ADCY2: variants seen among roughly 807,000 people sequenced by gnomAD.
ADCY2 encodes adenylate cyclase type 2.
ADCY2 carries 31 observed loss-of-function variants against 125.2 expected under a neutral mutation model. The observed-to-expected ratio is 0.25, with a 90% CI of 0.19 to 0.33. The LOEUF (loss-of-function observed/expected upper bound fraction) is 0.33. Ranked by LOEUF, ADCY2 falls within the 10% of genes least tolerant of loss-of-function variation. The pLI is 1.00. For synonymous variants in ADCY2, 512 were observed against 548.4 expected (o/e 0.93, Z 0.93); for missense variants, 904 against 1,418.2 (o/e 0.64, Z 5.82).
chr5:7,667,312 T>C (rs1739791448), intron 4 of ADCY2, among the ~76,000 whole-genome samples: 1 of 152,110 alleles, frequency 6.6e-6, no homozygotes, highest in Non-Finnish European at 1.5e-5. Flanking sequence ...GGCTTCAATA[T>C]GTAGATGTTT....
intron 24 of ADCY2, among the ~76,000 whole-genome samples, chr5:7,824,991 A>C (rs1470249770): frequency 1.3e-5 from 2 of 152,184 alleles, no homozygotes; most frequent in African/African-American, 4.8e-5. Flanking sequence ...GACACACCAC[A>C]ACCAAAATTG....
intron 3 of ADCY2, among the ~76,000 whole-genome samples, chr5:7,611,933 A>G (rs866968378): frequency 6.6e-6 from 1 of 152,146 alleles, no homozygotes; most frequent in Non-Finnish European, 1.5e-5. Context: ...TGTGGCAGAA[A>G]TTTTTTCTTG....
intron 3 of ADCY2, among the ~76,000 whole-genome samples, chr5:7,606,772 A>G (rs547125715): frequency 1.3e-5 from 2 of 152,172 alleles, no homozygotes; most frequent in South Asian, 2.1e-4. Flanking sequence ...AATATTTGCT[A>G]TTTGCTTTCG....
At chr5:7,748,680 C>A (rs1247548126) in intron 15 of ADCY2, among the ~76,000 whole-genome samples, 1 of 152,060 alleles carries the variant, frequency 6.6e-6, no homozygotes, top group Non-Finnish European at 1.5e-5. Flanking sequence ...TGGGTAAGAA[C>A]CTTTGGAATA....
chr5:7,438,402 A>G (rs962937772), intron 2 of ADCY2, among the ~76,000 whole-genome samples: 49 of 152,254 alleles, frequency 3.2e-4, no homozygotes, highest in Non-Finnish European at 1.5e-4. Flanking sequence ...AGTAAGTTTT[A>G]TACTTGTTAG....
At chr5:7,681,566 G>A (rs4702486) in intron 4 of ADCY2, among the ~76,000 whole-genome samples, 123,556 of 152,052 alleles carry the variant, frequency 0.81, 50,510 homozygotes, top group South Asian at 0.86. Context: ...AGTTTTTTCC[G>A]GAAATCTCCC....
Position 7,396,231 on chromosome 5 carries a change from G to GGCGGCCGCGGCGA in ADCY2, c.-60_-48dup. ...CGAGGCGGCGCGGGGGTGGGACGCG[G>GGCGGCCGCGGCGA]GCGGCCGCGGCGAGCGGCGCTGCCC... On this transcript the variant is annotated 5_prime_UTR_variant, in exon 1 of 25. Transcript: ENST00000338316. The surrounding 1 kb of genome is among the most constrained non-coding windows in gnomAD (Gnocchi z 5.7). The GGCGGCCGCGGCGA allele has an allele frequency of 3.3e-6, 3 of 910,122 alleles. No individual in the cohort carries two copies. Among genetic ancestry groups the GGCGGCCGCGGCGA allele is most frequent in the Non-Finnish European group, 3.9e-6 (3 of 764,436 alleles). The allele number at this position is 910,122 out of a possible 1,614,324, so 56.4% of individuals were successfully genotyped here.
In ADCY2 at chr5:7,721,083, G is replaced by A. The variant is rs189593763; in HGVS notation, c.1704-3462G>A. 1.4e-3 allele frequency among the ~76,000 whole-genome samples: 216 copies of A among 152,176 alleles called. 1 individual carries two copies. The highest frequency in any genetic ancestry group is 4.4e-3 in the African/African-American group (182 of 41,524). On this transcript the variant is annotated intron_variant, in intron 12 of 24. Coordinates refer to ENST00000338316, the MANE Select transcript of ADCY2 (RefSeq NM_020546.3). ...GTTGTTTCCTGACTTTTTAATGATC[G>A]TCATTCTAACTGGTGTGAGATGATA... is the stretch of plus-strand genomic sequence containing the variant.
chr5:7,709,462 C>G lies in ADCY2; in HGVS notation c.1578+75C>G. 2 of 1,442,212 alleles carry G rather than the reference C, an allele frequency of 1.4e-6. No homozygotes were observed. Among genetic ancestry groups the G allele is most frequent in the Non-Finnish European group, 1.8e-6 (2 of 1,092,348 alleles). 89.3% of individuals were successfully genotyped at this position (1,442,212 alleles called of 1,614,324 possible). Reference sequence around the variant, plus strand: ...TCCCAAAACCAAAGGCTGGGCATCTCCTGCCAAAATAACTCCTTTCTGTAA... The same window carrying G: ...TCCCAAAACCAAAGGCTGGGCATCTGCTGCCAAAATAACTCCTTTCTGTAA... On this transcript the variant is annotated intron_variant, in intron 10 of 24. Coordinates refer to ENST00000338316, the MANE Select transcript of ADCY2 (RefSeq NM_020546.3). This position sits in a 1 kb window ranked among gnomAD's most constrained non-coding sequence, Gnocchi z 4.4.
intron 2 of ADCY2, among the ~76,000 whole-genome samples, chr5:7,476,951 T>C (rs1742547732): frequency 6.6e-6 from 1 of 152,196 alleles, no homozygotes; most frequent in African/African-American, 2.4e-5. Flanking sequence ...AAAAGAAATA[T>C]TGTGTCTTGC....
At position 7,829,552 on chromosome 5, in the gene ADCY2, GAA is replaced by G. The variant is rs10714753; in HGVS notation, c.*2692_*2693del. ...CAGGTCCCAGTGCCATTGGCTTCAA[GAA>G]AAAAAAAAAATCTCTCCCCAATGCT... On this transcript the variant is annotated 3_prime_UTR_variant, in exon 25 of 25. Coordinates refer to ENST00000338316, the MANE Select transcript of ADCY2 (RefSeq NM_020546.3). 9.6e-4 allele frequency: 143 copies of G among 149,610 alleles called. No homozygotes were observed. In the Middle Eastern group the frequency reaches 0.014, roughly 14 times the overall value. The allele number at this position is 149,610 out of a possible 1,614,324, so 9.3% of individuals were successfully genotyped here.
chr5:7,825,118 C>T (rs988911158), intron 24 of ADCY2, among the ~76,000 whole-genome samples: 2 of 150,836 alleles, frequency 1.3e-5, no homozygotes, highest in African/African-American at 4.9e-5. Flanking sequence ...CTGCTATGTG[C>T]CAGAACAACA....
At chr5:7,684,245 T>G (rs1740435752) in intron 4 of ADCY2, among the ~76,000 whole-genome samples, 1 of 152,202 alleles carries the variant, frequency 6.6e-6, no homozygotes. Flanking sequence ...GATCTATGCT[T>G]GCTCAGGCTT....
chr5:7,764,425 A>G (rs1379519549), intron 16 of ADCY2, among the ~76,000 whole-genome samples: 3 of 152,234 alleles, frequency 2.0e-5, no homozygotes, highest in African/African-American at 7.2e-5. Context: ...AGCCACCCAG[A>G]CAAGGAGTTA....
chr5:7,555,256 A>C (rs1478671017), intron 3 of ADCY2, among the ~76,000 whole-genome samples: 1 of 152,234 alleles, frequency 6.6e-6, no homozygotes, highest in Non-Finnish European at 1.5e-5. Flanking sequence ...AGTTACCGCC[A>C]TTCATTCGTT....
chr5:7,819,025 G>A (rs749232325), intron 23 of ADCY2, among the ~76,000 whole-genome samples: 6 of 152,202 alleles, frequency 3.9e-5, no homozygotes, highest in Non-Finnish European at 8.8e-5. Flanking sequence ...GAGTCCCAAA[G>A]CTAAAGAACT....
intron 4 of ADCY2, among the ~76,000 whole-genome samples, chr5:7,654,782 C>T (rs1739262705): frequency 1.3e-5 from 2 of 152,080 alleles, no homozygotes; most frequent in Admixed American, 1.3e-4. Context: ...TGCGAATGCC[C>T]AGAGGAGTGT....
intron 3 of ADCY2, among the ~76,000 whole-genome samples, chr5:7,620,558 G>A (rs1737921092): frequency 6.6e-6 from 1 of 152,170 alleles, no homozygotes; most frequent in Admixed American, 6.5e-5. Context: ...ACCGCACATA[G>A]CAAATTTAAT....
At chr5:7,591,287 CT>C (rs765718569) in intron 3 of ADCY2, among the ~76,000 whole-genome samples, 6 of 152,144 alleles carry the variant, frequency 3.9e-5, no homozygotes, top group Non-Finnish European at 8.8e-5. Flanking sequence ...CTTACTACTC[CT>C]AAGATGATAC....
Sources: allele counts gnomAD v4.1 joint callset (sites outside exome capture counted in the v4.1 genomes callset), GRCh38; gene constraint gnomAD v4.1.1; non-coding constraint Gnocchi (gnomAD v3.1); transcripts MANE v1.5; gene names NCBI Gene and HGNC (gene_info 2026-07-23, HGNC 2026-07-21).